MMRN1: variants seen among roughly 807,000 people sequenced by gnomAD.
MMRN1 encodes multimerin 1, also known as multimerin-1.
MMRN1 carries 94 observed loss-of-function variants against 100.7 expected under a neutral mutation model. The observed-to-expected ratio is 0.93, with a 90% CI of 0.79 to 1.11. The LOEUF (loss-of-function observed/expected upper bound fraction) is 1.11. Ranked by LOEUF, MMRN1 falls within the 50% of genes least tolerant of loss-of-function variation. The pLI is 0.00. For missense variants in MMRN1, 1,606 were observed against 1,439.1 expected (o/e 1.12, Z -1.88); for synonymous variants, 575 against 505.0 (o/e 1.14, Z -1.86).
intron 1 of MMRN1, among the ~76,000 whole-genome samples, chr4:89,888,899 A>G (rs1481412128): frequency 1.3e-5 from 2 of 151,876 alleles, no homozygotes; most frequent in African/African-American, 4.8e-5. Flanking sequence ...TTATACTTCC[A>G]ATATCTTGGT....
chr4:89,896,243 C>T (rs146183219), intron 1 of MMRN1, among the ~76,000 whole-genome samples: 2,120 of 152,202 alleles, frequency 0.014, 39 homozygotes, highest in African/African-American at 0.047. Flanking sequence ...ATGCTCCTCA[C>T]AGAATAGGTG....
At chr4:89,898,466 T>A (rs139691356) in intron 1 of MMRN1, among the ~76,000 whole-genome samples, 1 of 152,030 alleles carries the variant, frequency 6.6e-6, no homozygotes, top group Non-Finnish European at 1.5e-5. Flanking sequence ...TACAGTCTCT[T>A]ATCACAAGTG....
chr4:89,916,844 A>C (rs1257338289), intron 3 of MMRN1, among the ~76,000 whole-genome samples: 1 of 151,788 alleles, frequency 6.6e-6, no homozygotes, highest in African/African-American at 2.4e-5. Context: ...TTCCAAGATC[A>C]CATGAATGAT....
rs752148196 is a variant in MMRN1 at position 89,935,987 on chromosome 4, G to A, written c.2307G>A (p.Met769Ile). Residue 769 changes from methionine (M) to isoleucine (I), a missense_variant, in exon 6 of 8, where the codon ATG becomes ATA. Met to Ile is a conservative substitution (Grantham distance 10). Coordinates refer to ENST00000264790, the MANE Select transcript of MMRN1 (RefSeq NM_007351.3). ...TCCATCATAAATGTACCTCCGATAT[G>A]GAAACTATTTTGACATTTATTCCTC... ...SEIHHKCTSD[M>I]ETILTFIPQF... 28 of 1,612,850 alleles carry A rather than the reference G, an allele frequency of 1.7e-5. No homozygotes were observed. In the South Asian group the frequency reaches 2.0e-4, roughly 11 times the overall value.
chr4:89,893,759 T>C (rs1449584160), upstream of MMRN1, among the ~76,000 whole-genome samples: 1 of 151,826 alleles, frequency 6.6e-6, no homozygotes, highest in Middle Eastern at 3.2e-3. Flanking sequence ...GAATGAGGGG[T>C]TATGTAACTA....
intron 5 of MMRN1, among the ~76,000 whole-genome samples, chr4:89,932,514 G>A (rs542735190): frequency 2.8e-4 from 43 of 152,286 alleles, no homozygotes; most frequent in Non-Finnish European, 5.3e-4. Context: ...CCCTAGCAGA[G>A]GTTCTCTATG....
chr4:89,930,730 C>A (rs1722408017), intron 5 of MMRN1, among the ~76,000 whole-genome samples: 1 of 151,914 alleles, frequency 6.6e-6, no homozygotes, highest in Admixed American at 6.6e-5. Context: ...ACCTTACACT[C>A]AATGATACTT....
chr4:89,895,585 C>T lies in MMRN1; in HGVS notation c.614C>T (p.Thr205Ile). Reference protein sequence around the residue: ...TDYQKSNFETTRGKNWCAYVH... With the variant: ...TDYQKSNFETIRGKNWCAYVH... ...TACCAAAAATCAAATTTCGAAACAA[C>T]TAGAGGAAAGTAAGAAATCTTCTTT... is the stretch of plus-strand genomic sequence containing the variant. The change falls in exon 1 of 8, where the codon ACT becomes ATT. Residue 205 changes from threonine to isoleucine, a missense_variant. Thr to Ile is a moderately conservative substitution (Grantham distance 89). Transcript: ENST00000264790. The T allele has an allele frequency of 6.2e-7, 1 of 1,612,708 alleles. No individual in the cohort carries two copies. Among genetic ancestry groups the T allele is most frequent in the Non-Finnish European group, 8.5e-7 (1 of 1,179,374 alleles).
At chr4:89,881,935 T>A (rs1234871138) in intron 1 of MMRN1, among the ~76,000 whole-genome samples, 2 of 152,032 alleles carry the variant, frequency 1.3e-5, no homozygotes, top group Non-Finnish European at 2.9e-5. Flanking sequence ...ACTTTGATCA[T>A]AACACTTGTT....
At chr4:89,927,758 A>AT (rs767735849) in intron 4 of MMRN1, 37 bp from the exon 5 acceptor site, 2 of 1,578,958 alleles carry the variant, frequency 1.3e-6, no homozygotes, top group Admixed American at 3.8e-5. Flanking sequence ...GTCAAAATAT[A>AT]TTTTTTAATG....
At chr4:89,943,860 C>T (rs1361317845) in intron 6 of MMRN1, among the ~76,000 whole-genome samples, 7 of 151,922 alleles carry the variant, frequency 4.6e-5, no homozygotes, top group Non-Finnish European at 8.8e-5. Flanking sequence ...TGTAGTGGCA[C>T]GTGCCCAACT....
At chr4:89,885,119 TTCCC>T (rs1474880350) in intron 1 of MMRN1, among the ~76,000 whole-genome samples, 5 of 151,662 alleles carry the variant, frequency 3.3e-5, no homozygotes, top group East Asian at 3.9e-4. Flanking sequence ...ATACATTTCC[TTCCC>T]TCCCTCCCTC....
intron 5 of MMRN1, among the ~76,000 whole-genome samples, chr4:89,929,470 T>G (rs915896017): frequency 6.6e-6 from 1 of 152,058 alleles, no homozygotes; most frequent in African/African-American, 2.4e-5. Flanking sequence ...GAAGGAAACA[T>G]TTTTCCCCCC....
intron 3 of MMRN1, among the ~76,000 whole-genome samples, chr4:89,920,826 T>G (rs994114087): frequency 6.6e-6 from 1 of 151,970 alleles, no homozygotes; most frequent in Non-Finnish European, 1.5e-5. Context: ...GTTTGTTTGT[T>G]TTTTTTAAAT....
At chr4:89,884,007 T>C (rs994075330) in intron 1 of MMRN1, among the ~76,000 whole-genome samples, 3 of 152,174 alleles carry the variant, frequency 2.0e-5, no homozygotes, top group African/African-American at 7.2e-5. Context: ...TACCATTGAA[T>C]GGACTTGGTA....
At chr4:89,896,190 G>A (rs1170042563) in intron 1 of MMRN1, among the ~76,000 whole-genome samples, 1 of 152,040 alleles carries the variant, frequency 6.6e-6, no homozygotes, top group African/African-American at 2.4e-5. Context: ...AAACTTTGCA[G>A]GGTTCTCGTT....
chr4:89,939,621 A>G (rs1230205198), intron 6 of MMRN1, among the ~76,000 whole-genome samples: 1 of 152,122 alleles, frequency 6.6e-6, no homozygotes, highest in Non-Finnish European at 1.5e-5. Context: ...CTAGTAAGTG[A>G]TAGAGCTTGG....
At chr4:89,944,585 A>G (rs904887002) in intron 6 of MMRN1, among the ~76,000 whole-genome samples, 1 of 152,194 alleles carries the variant, frequency 6.6e-6, no homozygotes, top group Non-Finnish European at 1.5e-5. Flanking sequence ...CAGATTTCAC[A>G]GCTATATGGA....
intron 6 of MMRN1, among the ~76,000 whole-genome samples, chr4:89,939,879 C>CT (rs1409629394): frequency 6.6e-6 from 1 of 152,010 alleles, no homozygotes; most frequent in East Asian, 1.9e-4. Context: ...TTCAGTTTGG[C>CT]TTTTTTGGGA....
Sources: gnomAD v4.1 joint callset for allele counts (sites outside exome capture counted in the v4.1 genomes callset) on GRCh38, gnomAD v4.1.1 for gene constraint, MANE v1.5 for transcripts, NCBI Gene and HGNC (gene_info 2026-07-23, HGNC 2026-07-21) for gene names.